The following GPC3 variants were observed in gnomAD, a reference collection of about 807,000 sequenced individuals.
The protein encoded by GPC3 is glypican 3, also known as glypican-3.
A neutral mutation model predicts 34.4 loss-of-function variants in GPC3; 3 were observed. That is an observed-to-expected ratio of 0.09 (90% CI 0.04 to 0.23). GPC3 has a LOEUF of 0.23. Ranked by LOEUF, GPC3 falls within the 10% of genes least tolerant of loss-of-function variation. GPC3 has a pLI of 1.00. For missense variants in GPC3, 351 were observed against 445.6 expected (o/e 0.79, Z 1.91); for synonymous variants, 177 against 174.0 (o/e 1.02, Z -0.13).
At chrX:133,880,080 A>C (rs938115668) in intron 2 of GPC3, among the ~76,000 whole-genome samples, 3 of 111,775 alleles carry the variant, frequency 2.7e-5, no homozygotes, top group Non-Finnish European at 5.6e-5. Context: ...ATGGCTACCT[A>C]TCTGAGAGAG....
At position 133,894,353 on chromosome X, in the gene GPC3, T is replaced by C. The variant is rs138797469; in HGVS notation, c.337+58697A>G. Among the ~76,000 whole-genome samples, 28 of 112,353 alleles carry C rather than the reference T, an allele frequency of 2.5e-4. No individual in the cohort carries two copies. In the East Asian group the frequency reaches 6.9e-3, roughly 28 times the overall value. On this transcript the variant is annotated intron_variant, in intron 2 of 7. Coordinates refer to ENST00000370818, the MANE Select transcript of GPC3 (RefSeq NM_004484.4). ...TTTGTATGAATGTGTGTGAAATTAT[T>C]TCCAGATTTTGTAGTTGTTTTTGTA...
intron 1 of GPC3, among the ~76,000 whole-genome samples, chrX:133,965,286 C>T (rs763820333): frequency 5.4e-5 from 6 of 110,627 alleles, no homozygotes; most frequent in Non-Finnish European, 9.5e-5. Flanking sequence ...AGAGATCTTC[C>T]TCCAGCACAG....
At chrX:133,726,761 C>T (rs2071412106) in intron 3 of GPC3, among the ~76,000 whole-genome samples, 1 of 111,765 alleles carries the variant, frequency 8.9e-6, no homozygotes, top group Admixed American at 9.4e-5. Flanking sequence ...AACAAACAAA[C>T]AAAAAACAAA....
At chrX:133,725,374 G>GA (rs1472848595) in intron 3 of GPC3, among the ~76,000 whole-genome samples, 2 of 111,684 alleles carry the variant, frequency 1.8e-5, no homozygotes, top group Non-Finnish European at 3.8e-5. Context: ...TATAAAAAAA[G>GA]AAAAAAATCC....
intron 7 of GPC3, among the ~76,000 whole-genome samples, chrX:133,551,622 T>C (rs914440155): frequency 8.9e-6 from 1 of 111,977 alleles, no homozygotes; most frequent in African/African-American, 3.2e-5. Context: ...CTCTGATAGG[T>C]TTTGAATCTT....
At chrX:133,687,878 T>C (rs751417835) in intron 5 of GPC3, among the ~76,000 whole-genome samples, 1 of 112,816 alleles carries the variant, frequency 8.9e-6, no homozygotes, top group South Asian at 3.6e-4. Flanking sequence ...TAAACTAATT[T>C]ATAGAAACTA....
intron 3 of GPC3, among the ~76,000 whole-genome samples, chrX:133,731,472 C>T (rs1019929528): frequency 2.7e-5 from 3 of 112,067 alleles, no homozygotes. Flanking sequence ...TACAAAAATA[C>T]CCATTTAGTA....
At chrX:133,565,957 C>T (rs776162188) in intron 7 of GPC3, among the ~76,000 whole-genome samples, 1 of 112,359 alleles carries the variant, frequency 8.9e-6, no homozygotes, top group East Asian at 2.8e-4. Context: ...GTAAAAATTA[C>T]CTCCCCAACA....
At chrX:133,731,545 A>G (rs1216682802) in intron 3 of GPC3, among the ~76,000 whole-genome samples, 3 of 111,403 alleles carry the variant, frequency 2.7e-5, no homozygotes, top group Non-Finnish European at 5.6e-5. Context: ...CCATATTTCT[A>G]ACCCTCACTT....
intron 2 of GPC3, among the ~76,000 whole-genome samples, chrX:133,951,530 T>A (rs999613300): frequency 6.3e-5 from 7 of 111,487 alleles, no homozygotes; most frequent in Non-Finnish European, 1.3e-4. Flanking sequence ...AAGATTCAGC[T>A]CTCTGCTTCA....
chrX:133,791,323 C>T lies in GPC3; in HGVS notation c.338-37147G>A, dbSNP rs546669939. On this transcript the variant is annotated intron_variant, in intron 2 of 7. Transcript: ENST00000370818. ...GCTAGTCCCAGACACCACAGGTCTG[C>T]AATGTCATATTTGAGCAATAGAGTG... Among the ~76,000 whole-genome samples the T allele has an allele frequency of 5.4e-5, 6 of 111,427 alleles. No homozygotes were observed. The South Asian group carries it at 2.3e-3, about 43-fold the overall frequency.
intron 5 of GPC3, among the ~76,000 whole-genome samples, chrX:133,689,190 G>A (rs1368833560): frequency 1.8e-5 from 2 of 109,674 alleles, no homozygotes; most frequent in Non-Finnish European, 3.8e-5. Flanking sequence ...AATAAAAGTC[G>A]TTTTGAAAAT....
intron 2 of GPC3, among the ~76,000 whole-genome samples, chrX:133,914,981 A>ATATG (rs1491286825): frequency 5.4e-5 from 5 of 92,312 alleles, no homozygotes; most frequent in African/African-American, 2.0e-4. Context: ...ATATATATAT[A>ATATG]AAGTTTTATA....
chrX:133,919,642 G>A (rs1003146122), intron 2 of GPC3, among the ~76,000 whole-genome samples: 3 of 109,734 alleles, frequency 2.7e-5, no homozygotes, highest in Non-Finnish European at 5.7e-5. Context: ...GGTAACACAG[G>A]GAGATCCCAT....
At chrX:133,704,175 C>A in intron 3 of GPC3, 2 of 953,453 alleles carry the variant, frequency 2.1e-6, no homozygotes, top group Non-Finnish European at 2.8e-6. Context: ...CAGGACTTCA[C>A]TGTGACCTGG....
intron 2 of GPC3, among the ~76,000 whole-genome samples, chrX:133,798,771 G>A (rs1025052204): frequency 8.9e-6 from 1 of 112,022 alleles, no homozygotes; most frequent in East Asian, 2.8e-4. Flanking sequence ...GTCCTTGGAA[G>A]GGAAAGCTAT....
intron 2 of GPC3, among the ~76,000 whole-genome samples, chrX:133,905,020 G>A (rs978578633): frequency 8.9e-6 from 1 of 111,881 alleles, no homozygotes; most frequent in African/African-American, 3.3e-5. Flanking sequence ...TCCACCCCAC[G>A]GGGTACCATC....
At chrX:133,945,391 A>AAAT (rs1433449260) in intron 2 of GPC3, among the ~76,000 whole-genome samples, 1 of 110,317 alleles carries the variant, frequency 9.1e-6, no homozygotes, top group Non-Finnish European at 1.9e-5. Context: ...AATCTGTCTC[A>AAAT]AATAATAATA....
intron 2 of GPC3, among the ~76,000 whole-genome samples, chrX:133,836,480 A>G (rs766801557): frequency 7.1e-5 from 8 of 112,152 alleles, no homozygotes; most frequent in Non-Finnish European, 1.1e-4. Context: ...CAAATTCCAC[A>G]TCTTTCCTTC....
Sources: allele counts gnomAD v4.1 joint callset (sites outside exome capture counted in the v4.1 genomes callset), GRCh38; gene constraint gnomAD v4.1.1; transcripts MANE v1.5; gene names NCBI Gene and HGNC (gene_info 2026-07-23, HGNC 2026-07-21).